The following SPATA13 variants were observed in gnomAD, a reference collection of about 807,000 sequenced individuals.
SPATA13 encodes spermatogenesis associated 13.
Under a neutral mutation model 104.0 loss-of-function variants are expected in SPATA13, and 50 were observed. That is an observed-to-expected ratio of 0.48 (90% CI 0.38 to 0.61). The LOEUF (loss-of-function observed/expected upper bound fraction) is 0.61, where lower values mean the gene tolerates loss of function less well. Ranked by LOEUF, SPATA13 falls within the 20% of genes least tolerant of loss-of-function variation. The pLI, the probability that SPATA13 is intolerant of heterozygous loss-of-function variation, is 0.00. For synonymous variants in SPATA13, 606 were observed against 667.5 expected (o/e 0.91, Z 1.42); for missense variants, 1,524 against 1,690.6 (o/e 0.90, Z 1.73).
At chr13:24,266,752 T>C (rs1254804360) in intron 4 of SPATA13, among the ~76,000 whole-genome samples, 2 of 152,170 alleles carry the variant, frequency 1.3e-5, no homozygotes, top group Non-Finnish European at 1.5e-5. Context: ...TGGTATCTTA[T>C]CCAAAGAGAA....
At chr13:24,065,116 G>C (rs1004159125) in intron 3 of SPATA13, among the ~76,000 whole-genome samples, 1 of 152,160 alleles carries the variant, frequency 6.6e-6, no homozygotes, top group Admixed American at 6.5e-5. Flanking sequence ...ATAACTTACG[G>C]TAGCAAAACT....
chr13:24,157,100 T>C (rs571419087), upstream of SPATA13, among the ~76,000 whole-genome samples: 57 of 152,276 alleles, frequency 3.7e-4, no homozygotes, highest in African/African-American at 1.3e-3. Flanking sequence ...GACCTTAAGT[T>C]ACTTCCTCCA....
chr13:24,196,112 A>G (rs1870041937), intron 1 of SPATA13, among the ~76,000 whole-genome samples: 1 of 152,126 alleles, frequency 6.6e-6, no homozygotes, highest in South Asian at 2.1e-4. Flanking sequence ...CTTACTGCAG[A>G]GTTTTCAAAA....
intron 12 of SPATA13, among the ~76,000 whole-genome samples, chr13:24,301,229 C>G (rs1161471015): frequency 6.6e-6 from 1 of 152,070 alleles, no homozygotes; most frequent in Admixed American, 6.6e-5. Context: ...AGGCATTTAC[C>G]CCATGAAATG....
At chr13:24,235,738 C>T (rs1274409574) in intron 2 of SPATA13, among the ~76,000 whole-genome samples, 1 of 152,234 alleles carries the variant, frequency 6.6e-6, no homozygotes, top group East Asian at 1.9e-4. Context: ...GCCTGGCTGA[C>T]AGAGTGAAAC....
At chr13:24,074,638 T>TA (rs35793567) in intron 3 of SPATA13, among the ~76,000 whole-genome samples, 5 of 151,464 alleles carry the variant, frequency 3.3e-5, no homozygotes, top group South Asian at 2.1e-4. Context: ...GTAAAGTGAT[T>TA]AAAAAAAAAA....
At chr13:24,235,537 A>AC (rs1403657465) in intron 2 of SPATA13, among the ~76,000 whole-genome samples, 1 of 152,194 alleles carries the variant, frequency 6.6e-6, no homozygotes, top group East Asian at 1.9e-4. Context: ...AGGCTGGAGG[A>AC]CCACTTGAGC....
intron 1 of SPATA13, among the ~76,000 whole-genome samples, chr13:23,981,636 T>C (rs1161977338): frequency 6.6e-6 from 1 of 152,182 alleles, no homozygotes; most frequent in East Asian, 1.9e-4. Flanking sequence ...ATTTGCGTTG[T>C]GGGTTTTGCT....
intron 3 of SPATA13, among the ~76,000 whole-genome samples, chr13:24,041,183 C>T (rs1402634790): frequency 2.0e-5 from 3 of 152,182 alleles, no homozygotes; most frequent in African/African-American, 7.2e-5. Flanking sequence ...AGCTCAGAAC[C>T]ACACTGGAAA....
chr13:24,284,541 T>G (rs1269233524), intron 5 of SPATA13, among the ~76,000 whole-genome samples: 1 of 152,140 alleles, frequency 6.6e-6, no homozygotes, highest in Non-Finnish European at 1.5e-5. Flanking sequence ...TGCGCACCTG[T>G]AAACCCAGCT....
At chr13:24,033,245 T>C (rs17350335) in intron 3 of SPATA13, among the ~76,000 whole-genome samples, 35,671 of 151,870 alleles carry the variant, frequency 0.23, 4,450 homozygotes, top group Admixed American at 0.28. Context: ...ATTTCAAAAA[T>C]CTAATAAAAA....
chr13:24,179,939 A>G (rs1452669133), intron 1 of SPATA13, among the ~76,000 whole-genome samples: 1 of 152,226 alleles, frequency 6.6e-6, no homozygotes, highest in Non-Finnish European at 1.5e-5. Context: ...ATTTACAAGT[A>G]TCTTCCATTC....
At chr13:24,237,157 A>G (rs766159385) in intron 2 of SPATA13, among the ~76,000 whole-genome samples, 4 of 152,124 alleles carry the variant, frequency 2.6e-5, no homozygotes, top group Non-Finnish European at 4.4e-5. Context: ...GGAGTTCGAG[A>G]CCAGCCTGGC....
intron 1 of SPATA13, among the ~76,000 whole-genome samples, chr13:24,180,124 G>A (rs1868705179): frequency 6.6e-6 from 1 of 152,130 alleles, no homozygotes; most frequent in African/African-American, 2.4e-5. Context: ...TTGTCTAAGA[G>A]TTTTATAGTT....
At position 23,999,368 on chromosome 13, in the gene SPATA13, C is replaced by CAAAA. The variant is rs34668799; in HGVS notation, c.-147+15453_-147+15456dup. Among the ~76,000 whole-genome samples, 494 of 94,294 alleles carry CAAAA rather than the reference C, an allele frequency of 5.2e-3. 54 individuals are homozygous for CAAAA. The highest frequency in any genetic ancestry group is 9.2e-3 in the East Asian group (36 of 3,896). 61.9% of individuals were successfully genotyped at this position (94,294 alleles called of 152,430 possible). On this transcript the variant is annotated intron_variant, in intron 2 of 14. Coordinates refer to the SPATA13 transcript ENST00000424834. Reference sequence around the variant, plus strand: ...TTAGAAACAGATCCTCATTTTCTACCAAAAAAAAAAAAAAAAAAAAAGCCT... The same window carrying CAAAA: ...TTAGAAACAGATCCTCATTTTCTACCAAAAAAAAAAAAAAAAAAAAAAAAAGCCT...
chr13:24,279,613 A>G (rs4770642), intron 4 of SPATA13, among the ~76,000 whole-genome samples: 136,156 of 152,140 alleles, frequency 0.89, 61,349 homozygotes, highest in South Asian at 0.95. Flanking sequence ...AGGAACTTGA[A>G]TCAGATCTGC....
chr13:24,002,311 G>A (rs1341562539), intron 2 of SPATA13, among the ~76,000 whole-genome samples: 1 of 152,178 alleles, frequency 6.6e-6, no homozygotes, highest in Non-Finnish European at 1.5e-5. Context: ...CAGTCTCCAT[G>A]TTGGGCTTGC....
At chr13:24,171,959 G>A (rs775847590) in intron 1 of SPATA13, among the ~76,000 whole-genome samples, 5 of 152,008 alleles carry the variant, frequency 3.3e-5, no homozygotes, top group Non-Finnish European at 5.9e-5. Flanking sequence ...TAGATCATTC[G>A]GAGGGGTTAC....
intron 2 of SPATA13, among the ~76,000 whole-genome samples, chr13:24,010,219 TC>T (rs1876406650): frequency 6.6e-6 from 1 of 152,178 alleles, no homozygotes; most frequent in African/African-American, 2.4e-5. Flanking sequence ...GGGATAGTAG[TC>T]GCTTCTTAGT....
Sources: allele counts gnomAD v4.1 joint callset (sites outside exome capture counted in the v4.1 genomes callset), GRCh38; gene constraint gnomAD v4.1.1; transcripts MANE v1.5; gene names NCBI Gene and HGNC (gene_info 2026-07-23, HGNC 2026-07-21).